The following CSMD2 variants were observed in gnomAD, a reference collection of about 807,000 sequenced individuals.
CSMD2 encodes the protein CUB and sushi domain-containing protein 2.
A neutral mutation model predicts 398.5 loss-of-function variants in CSMD2; 130 were observed. The observed-to-expected ratio is 0.33, with a 90% CI of 0.28 to 0.38. CSMD2 has a LOEUF of 0.38. Ranked by LOEUF, CSMD2 falls within the 10% of genes least tolerant of loss-of-function variation. CSMD2 has a pLI of 1.00. For missense variants in CSMD2, 3,829 were observed against 4,764.9 expected (o/e 0.80, Z 5.78); for synonymous variants, 1,828 against 1,908.5 (o/e 0.96, Z 1.10).
At chr1:33,718,983 C>A (rs1286584210) in intron 19 of CSMD2, among the ~76,000 whole-genome samples, 1 of 152,170 alleles carries the variant, frequency 6.6e-6, no homozygotes, top group African/African-American at 2.4e-5. Context: ...CTACCAAGTG[C>A]CAGGCCTTGT....
intron 1 of CSMD2, among the ~76,000 whole-genome samples, chr1:34,094,485 C>A (rs938882148): frequency 2.0e-5 from 3 of 152,086 alleles, no homozygotes; most frequent in Non-Finnish European, 2.9e-5. Flanking sequence ...AGAGTCAAGA[C>A]CCATCAGTGT....
chr1:33,550,902 A>G (rs1411385073), intron 55 of CSMD2, among the ~76,000 whole-genome samples: 1 of 152,210 alleles, frequency 6.6e-6, no homozygotes, highest in Non-Finnish European at 1.5e-5. Context: ...ACCAGAATTG[A>G]GATGTCTAGG....
intron 53 of CSMD2, among the ~76,000 whole-genome samples, chr1:33,562,420 G>T (rs1570742398): frequency 6.6e-6 from 1 of 152,302 alleles, no homozygotes; most frequent in East Asian, 1.9e-4. Flanking sequence ...CAGCTCTTGG[G>T]TAGCAGAGGC....
chr1:34,141,725 G>T (rs142176813), intron 1 of CSMD2, among the ~76,000 whole-genome samples: 1 of 152,162 alleles, frequency 6.6e-6, no homozygotes, highest in Non-Finnish European at 1.5e-5. Context: ...ATGATGCCAG[G>T]GGAATGAATG....
Position 33,636,639 on chromosome 1 carries a change from A to C in CSMD2, c.4775-85T>G. On this transcript the variant is annotated intron_variant, in intron 29 of 70. Coordinates refer to ENST00000373381, the MANE Select transcript of CSMD2 (RefSeq NM_001281956.2). This position sits in a 1 kb window ranked among gnomAD's most constrained non-coding sequence, Gnocchi z 4.8. ...TTGGGCTCCAGTGCCCATGAGGAGAACCCGACTTTAATTAGCCACAGAGCA... is the reference window on the plus strand; with the variant it reads ...TTGGGCTCCAGTGCCCATGAGGAGACCCCGACTTTAATTAGCCACAGAGCA... The C allele has an allele frequency of 2.6e-6, 3 of 1,167,324 alleles. No homozygotes were observed. The Admixed American group carries it at 6.2e-5, about 24-fold the overall frequency. 72.3% of individuals were successfully genotyped at this position (1,167,324 alleles called of 1,614,324 possible). A position where few individuals can be genotyped will look rare whatever the true frequency, so the allele number is the denominator to read the frequency against.
chr1:33,654,098 G>T, intron 27 of CSMD2, among the ~76,000 whole-genome samples: 1 of 152,178 alleles, frequency 6.6e-6, no homozygotes, highest in East Asian at 1.9e-4. Flanking sequence ...TAATGTGGCT[G>T]AACATAAAAT....
intron 24 of CSMD2, among the ~76,000 whole-genome samples, chr1:33,694,929 C>T (rs1645368150): frequency 1.3e-5 from 2 of 152,182 alleles, no homozygotes; most frequent in Non-Finnish European, 1.5e-5. Context: ...TACTGCCCTC[C>T]CCTGGAAGAG....
intron 3 of CSMD2, among the ~76,000 whole-genome samples, chr1:33,940,709 C>A (rs1644640286): frequency 6.6e-6 from 1 of 152,178 alleles, no homozygotes; most frequent in Non-Finnish European, 1.5e-5. Flanking sequence ...GGCAAAGCAT[C>A]CAAGCACATA....
At chr1:33,960,606 G>A (rs1645324229) in intron 3 of CSMD2, among the ~76,000 whole-genome samples, 1 of 152,186 alleles carries the variant, frequency 6.6e-6, no homozygotes, top group Non-Finnish European at 1.5e-5. Context: ...ATAAGGGGGT[G>A]CTGCAGTGGA....
chr1:34,081,067 A>G (rs902526604), intron 2 of CSMD2, among the ~76,000 whole-genome samples: 1 of 152,180 alleles, frequency 6.6e-6, no homozygotes, highest in Non-Finnish European at 1.5e-5. Flanking sequence ...ACCTTAGGAT[A>G]ATAGACTTGA....
At chr1:33,646,906 C>G in intron 28 of CSMD2, 71 bp from the exon 29 acceptor site, 1 of 1,474,550 alleles carries the variant, frequency 6.8e-7, no homozygotes, top group South Asian at 1.3e-5. Flanking sequence ...GTCTTAGGCT[C>G]AACCAAAGCA....
chr1:33,732,807 A>G (rs976785683), intron 15 of CSMD2, among the ~76,000 whole-genome samples: 4 of 152,244 alleles, frequency 2.6e-5, no homozygotes, highest in Non-Finnish European at 5.9e-5. Flanking sequence ...AATAGAATAC[A>G]GAGAACAAAT....
At chr1:34,106,648 T>C (rs144106184) in intron 1 of CSMD2, among the ~76,000 whole-genome samples, 51 of 152,270 alleles carry the variant, frequency 3.3e-4, no homozygotes, top group African/African-American at 1.1e-3. Flanking sequence ...CTGGGATTTA[T>C]TGAAAAGAGC....
intron 2 of CSMD2, among the ~76,000 whole-genome samples, chr1:34,083,900 T>A (rs928953693): frequency 2.8e-4 from 42 of 151,946 alleles, no homozygotes; most frequent in African/African-American, 9.7e-4. Context: ...GCCTCACTAG[T>A]AAAGCATGTA....
intron 1 of CSMD2, among the ~76,000 whole-genome samples, chr1:34,142,220 C>T (rs1369443904): frequency 1.3e-5 from 2 of 152,114 alleles, no homozygotes; most frequent in African/African-American, 4.8e-5. Context: ...TCCTGGCGGC[C>T]CCCTCAGTCT....
chr1:33,788,388 G>A (rs1291122758), intron 12 of CSMD2, among the ~76,000 whole-genome samples: 4 of 151,734 alleles, frequency 2.6e-5, no homozygotes, highest in Admixed American at 1.3e-4. Flanking sequence ...TGCGCCTGTA[G>A]TCCCAGCTAC....
chr1:33,889,713 G>C, intron 5 of CSMD2, among the ~76,000 whole-genome samples: 1 of 151,468 alleles, frequency 6.6e-6, no homozygotes. Flanking sequence ...GAGAATAAAA[G>C]CAAGCTGTAG....
chr1:33,646,923 C>T, intron 28 of CSMD2, 88 bp from the exon 29 acceptor site: 1 of 1,344,924 alleles, frequency 7.4e-7, no homozygotes, highest in Non-Finnish European at 1.0e-6. Flanking sequence ...AGCATAGGGC[C>T]TCCCAGGGAG....
intron 1 of CSMD2, among the ~76,000 whole-genome samples, chr1:34,096,998 C>T (rs1473126406): frequency 6.7e-6 from 1 of 149,860 alleles, no homozygotes; most frequent in Non-Finnish European, 1.5e-5. Context: ...ATCACACTAC[C>T]TGACTTCAAA....
Sources: allele counts gnomAD v4.1 joint callset (sites outside exome capture counted in the v4.1 genomes callset), GRCh38; gene constraint gnomAD v4.1.1; non-coding constraint Gnocchi (gnomAD v3.1); transcripts MANE v1.5; gene names NCBI Gene and HGNC (gene_info 2026-07-23, HGNC 2026-07-21).